Variants in PLAGL1 observed in about 807,000 individuals in gnomAD.
The protein encoded by PLAGL1 is PLAG1 like zinc finger 1.
Under a neutral mutation model 4.6 loss-of-function variants are expected in PLAGL1, and 1 was observed. The ratio of observed to expected loss-of-function variants is 0.22; its 90% CI spans 0.08 to 1.03. The LOEUF (loss-of-function observed/expected upper bound fraction) is 1.03. Among genes scored for constraint, PLAGL1 ranks in the 50% least tolerant of loss-of-function variants. The probability of loss-of-function intolerance (pLI) is 0.58; values close to 1 mark genes in which losing one functional copy is unlikely to be tolerated. For missense variants in PLAGL1, 464 were observed against 570.4 expected (o/e 0.81, Z 1.90); for synonymous variants, 240 against 237.8 (o/e 1.01, Z -0.08).
At chr6:144,030,070 G>A (rs926772206) in intron 1 of PLAGL1, among the ~76,000 whole-genome samples, 3 of 151,844 alleles carry the variant, frequency 2.0e-5, no homozygotes, top group Admixed American at 6.6e-5. Flanking sequence ...TGGTTAACAC[G>A]GTGAAACCCT....
At chr6:143,986,861 C>T (rs920121605) in intron 1 of PLAGL1, among the ~76,000 whole-genome samples, 1 of 152,156 alleles carries the variant, frequency 6.6e-6, no homozygotes, top group Non-Finnish European at 1.5e-5. Flanking sequence ...GCTAATTTTA[C>T]AGACGTCTCC....
chr6:144,062,470 CAAAAAAAAAAAAAA>C (rs543521128), intron 1 of PLAGL1, among the ~76,000 whole-genome samples: 23 of 75,700 alleles, frequency 3.0e-4, no homozygotes, highest in African/African-American at 8.4e-4. Flanking sequence ...GTTATCAGAC[CAAAAAAAAAAAAAA>C]AAAAAAAAAA....
intron 1 of PLAGL1, among the ~76,000 whole-genome samples, chr6:144,025,364 G>T (rs1238827226): frequency 2.0e-5 from 3 of 152,066 alleles, no homozygotes; most frequent in Non-Finnish European, 4.4e-5. Context: ...GAGGAATCCT[G>T]GAATAGAAAA....
chr6:144,049,154 C>G (rs910086102), intron 1 of PLAGL1, among the ~76,000 whole-genome samples: 1 of 152,224 alleles, frequency 6.6e-6, no homozygotes, highest in African/African-American at 2.4e-5. Flanking sequence ...CCAAGACTTT[C>G]CTTATCTTCA....
chr6:143,978,364 A>G lies in PLAGL1; in HGVS notation c.-544+6771T>C, dbSNP rs1307688393. The stretch of plus-strand genomic sequence containing the variant: ...AGCTGTATCCCACATGGTTTCATAA[A>G]CTGTATTTTCATTAAAATTAAAAAT... On this transcript the variant is annotated intron_variant, in intron 2 of 7. Coordinates refer to ENST00000674357, the MANE Select transcript of PLAGL1 (RefSeq NM_001317162.2). This position sits in a 1 kb window ranked among gnomAD's most constrained non-coding sequence, Gnocchi z 4.6. 1.3e-5 allele frequency among the ~76,000 whole-genome samples: 2 copies of G among 152,066 alleles called. No individual in the cohort carries two copies. Among genetic ancestry groups the G allele is most frequent in the Non-Finnish European group, 1.5e-5 (1 of 67,992 alleles).
Position 144,004,436 on chromosome 6 carries a change from A to C in PLAGL1, c.-584+3654T>G, listed in dbSNP as rs920375693. 3.3e-5 allele frequency among the ~76,000 whole-genome samples: 5 copies of C among 152,256 alleles called. No individual in the cohort carries two copies. Among genetic ancestry groups the C allele is most frequent in the African/African-American group, 9.6e-5 (4 of 41,470 alleles). On this transcript the variant is annotated intron_variant, in intron 1 of 7. Transcript: ENST00000674357. The surrounding 1 kb of genome is among the most constrained non-coding windows in gnomAD (Gnocchi z 4.2). ...AACCCTTGATACAAAGCAAAAATAAAAAACAAACAAAAATTCTTATACATG... is the reference window on the plus strand; with the variant it reads ...AACCCTTGATACAAAGCAAAAATAACAAACAAACAAAAATTCTTATACATG...
rs1040208456 is a variant in PLAGL1 at position 144,034,318 on chromosome 6, C to T, written c.-151+30150G>A. On this transcript the variant is annotated intron_variant, in intron 1 of 3. Transcript: ENST00000437412. This position sits in a 1 kb window ranked among gnomAD's most constrained non-coding sequence, Gnocchi z 4.7. Reference sequence around the variant, plus strand: ...ACCCTCTGGACTGAAGCCTCTAGGCCCCAGATTGCTGACTCAGGCTGCTGG... The same window carrying T: ...ACCCTCTGGACTGAAGCCTCTAGGCTCCAGATTGCTGACTCAGGCTGCTGG... Among the ~76,000 whole-genome samples, 1 of 152,134 alleles carries T rather than the reference C, an allele frequency of 6.6e-6. No homozygotes were observed. Among genetic ancestry groups the T allele is most frequent in the Non-Finnish European group, 1.5e-5 (1 of 68,028 alleles).
intron 1 of PLAGL1, among the ~76,000 whole-genome samples, chr6:143,992,846 C>T (rs540256806): frequency 7.4e-5 from 11 of 148,806 alleles, no homozygotes; most frequent in Admixed American, 4.7e-4. Flanking sequence ...GGTGTGGTGG[C>T]GCGTGCCTGT....
At position 144,028,638 on chromosome 6, in the gene PLAGL1, G is replaced by A. The variant is rs531838774; in HGVS notation, c.-151+35830C>T. Among the ~76,000 whole-genome samples the A allele has an allele frequency of 6.6e-4, 100 of 152,236 alleles. 1 individual carries two copies. In the South Asian group the frequency reaches 0.017, roughly 26 times the overall value. On this transcript the variant is annotated intron_variant, in intron 1 of 3. Transcript: ENST00000437412. Reference sequence around the variant, plus strand: ...TACATTCCCTGCAATCCTGATATCCGTCTATAAAAGAAGAAAATCTGGATA... The same window carrying A: ...TACATTCCCTGCAATCCTGATATCCATCTATAAAAGAAGAAAATCTGGATA...
At chr6:144,038,844 A>G (rs933719610) in intron 1 of PLAGL1, among the ~76,000 whole-genome samples, 1 of 152,242 alleles carries the variant, frequency 6.6e-6, no homozygotes, top group Non-Finnish European at 1.5e-5. Flanking sequence ...AGGAGTGGGG[A>G]TGATGACTAA....
rs1223871492 is a variant in PLAGL1, at chr6:143,947,011, A to G, written c.152+974T>C. On this transcript the variant is annotated intron_variant, in intron 7 of 7. Coordinates refer to ENST00000674357, the MANE Select transcript of PLAGL1 (RefSeq NM_001317162.2). The surrounding 1 kb of genome is among the most constrained non-coding windows in gnomAD (Gnocchi z 4.3). ...TCCACTGGCGGCAGAAACGATATCT[A>G]ATGTATTCATTTCCCTCATGGAAGT... Among the ~76,000 whole-genome samples the G allele has an allele frequency of 6.6e-6, 1 of 152,198 alleles. No individual in the cohort carries two copies. The highest frequency in any genetic ancestry group is 3.2e-3 in the Middle Eastern group (1 of 316).
At chr6:143,986,155 T>G (rs1789106068) in intron 1 of PLAGL1, among the ~76,000 whole-genome samples, 2 of 151,792 alleles carry the variant, frequency 1.3e-5, no homozygotes, top group African/African-American at 4.8e-5. Flanking sequence ...GACCAGACTC[T>G]GGGCACCCAG....
rs1342100672 is a variant in PLAGL1 at position 143,948,032 on chromosome 6, C to G, written c.105G>C (p.Val35=). ...SHSRERPYKC[V]QPDCGKAFVS... ...CAAAGGCTTTGCCACAGTCAGGCTG[C>G]ACACACTTGTACGGCCGCTCCCTGG... Residue 35 remains valine (V), a synonymous_variant, in exon 7 of 8, where the codon GTG becomes GTC. Coordinates refer to ENST00000674357, the MANE Select transcript of PLAGL1 (RefSeq NM_001317162.2). This position sits in a 1 kb window ranked among gnomAD's most constrained non-coding sequence, Gnocchi z 6.0. 1 of 1,613,962 alleles carries G rather than the reference C, an allele frequency of 6.2e-7. No homozygotes were observed. The highest frequency in any genetic ancestry group is 1.7e-5 in the Admixed American group (1 of 60,026).
rs1350917912 is a variant in PLAGL1, at chr6:144,063,286, A to T, written c.-151+1182T>A. 6.6e-6 allele frequency among the ~76,000 whole-genome samples: 1 copy of T among 152,166 alleles called. No individual in the cohort carries two copies. Among genetic ancestry groups the T allele is most frequent in the Non-Finnish European group, 1.5e-5 (1 of 68,030 alleles). The stretch of plus-strand genomic sequence containing the variant: ...CAAGTTCTCTGGGGCCACTTTACAG[A>T]TGATAAAACTGGGCTGAAAATGTGT... On this transcript the variant is annotated intron_variant, in intron 1 of 3. Transcript: ENST00000437412. The surrounding 1 kb of genome is among the most constrained non-coding windows in gnomAD (Gnocchi z 5.7).
chr6:143,958,227 A>C lies in PLAGL1; in HGVS notation c.-325+2242T>G, dbSNP rs1782581165. ...TTGCAGAGAGGAAAAAGTTACATAT[A>C]ATCACTTATCCCTCCCCCATGGGTA... On this transcript the variant is annotated intron_variant, in intron 6 of 7. Coordinates refer to ENST00000674357, the MANE Select transcript of PLAGL1 (RefSeq NM_001317162.2). This position sits in a 1 kb window ranked among gnomAD's most constrained non-coding sequence, Gnocchi z 5.1. 6.6e-6 allele frequency among the ~76,000 whole-genome samples: 1 copy of C among 152,184 alleles called. No homozygotes were observed. The highest frequency in any genetic ancestry group is 6.5e-5 in the Admixed American group (1 of 15,284).
rs1212907410 is a variant in PLAGL1, at chr6:144,036,025, C to T, written c.-151+28443G>A. On this transcript the variant is annotated intron_variant, in intron 1 of 3. Transcript: ENST00000437412. The surrounding 1 kb of genome is among the most constrained non-coding windows in gnomAD (Gnocchi z 5.1). ...TTGTGCCTGGATGGCCATCTGATTACGTGTGGCTTAGCCTGGAAACCCTCA... is the reference window on the plus strand; with the variant it reads ...TTGTGCCTGGATGGCCATCTGATTATGTGTGGCTTAGCCTGGAAACCCTCA... Among the ~76,000 whole-genome samples the T allele has an allele frequency of 4.6e-5, 7 of 152,198 alleles. No individual in the cohort carries two copies. Among genetic ancestry groups the T allele is most frequent in the African/African-American group, 7.2e-5 (3 of 41,526 alleles).
Position 143,983,699 on chromosome 6 carries a change from G to A in PLAGL1, c.-544+1436C>T, listed in dbSNP as rs950553294. ...AGGGTAGGCTATTGACGTTGAGTAA[G>A]GGAGGATGTGAGATATGAAGGAAGT... On this transcript the variant is annotated intron_variant, in intron 2 of 7. Coordinates refer to ENST00000674357, the MANE Select transcript of PLAGL1 (RefSeq NM_001317162.2). This position sits in a 1 kb window ranked among gnomAD's most constrained non-coding sequence, Gnocchi z 6.6. Among the ~76,000 whole-genome samples, 1 of 152,120 alleles carries A rather than the reference G, an allele frequency of 6.6e-6. No individual in the cohort carries two copies. The highest frequency in any genetic ancestry group is 1.5e-5 in the Non-Finnish European group (1 of 68,024).
In PLAGL1 at chr6:143,993,331, AACACACACAC is replaced by A. The variant is rs746624620; in HGVS notation, c.-583-8167_-583-8158del. Among the ~76,000 whole-genome samples, 29 of 142,334 alleles carry A rather than the reference AACACACACAC, an allele frequency of 2.0e-4. No homozygotes were observed. The South Asian group carries it at 2.1e-3, about 10-fold the overall frequency. 93.4% of individuals were successfully genotyped at this position (142,334 alleles called of 152,430 possible). On this transcript the variant is annotated intron_variant, in intron 1 of 7. Coordinates refer to ENST00000674357, the MANE Select transcript of PLAGL1 (RefSeq NM_001317162.2). ...AACAAAAAAACAAAAAACAAAACAA[AACACACACAC>A]ACACACACACACACACACACACACA...
At position 144,001,320 on chromosome 6, in the gene PLAGL1, A is replaced by T. The variant is rs774500546; in HGVS notation, c.-584+6770T>A. Among the ~76,000 whole-genome samples, 2 of 152,300 alleles carry T rather than the reference A, an allele frequency of 1.3e-5. 1 individual carries two copies. Among genetic ancestry groups the T allele is most frequent in the Admixed American group, 1.3e-4 (2 of 15,300 alleles). On this transcript the variant is annotated intron_variant, in intron 1 of 7. Coordinates refer to ENST00000674357, the MANE Select transcript of PLAGL1 (RefSeq NM_001317162.2). ...TAGCTCAAAGACTAAATAAATATCC[A>T]TCAATATACATGGATATAAATAACT...
Sources: gnomAD v4.1 joint callset for allele counts (sites outside exome capture counted in the v4.1 genomes callset) on GRCh38, gnomAD v4.1.1 for gene constraint, Gnocchi (gnomAD v3.1) non-coding constraint, MANE v1.5 for transcripts, NCBI Gene and HGNC (gene_info 2026-07-23, HGNC 2026-07-21) for gene names.